Variants in SPAST observed in about 807,000 individuals in gnomAD.
The protein encoded by SPAST is spastic paraplegia 4 (autosomal dominant; spastin).
A neutral mutation model predicts 76.6 loss-of-function variants in SPAST; 30 were observed. That is an observed-to-expected ratio of 0.39 (90% CI 0.29 to 0.53). The LOEUF (loss-of-function observed/expected upper bound fraction) is 0.53. Ranked by LOEUF, SPAST falls within the 20% of genes least tolerant of loss-of-function variation. The pLI is 0.68. For synonymous variants in SPAST, 305 were observed against 281.0 expected (o/e 1.09, Z -0.86); for missense variants, 717 against 770.5 (o/e 0.93, Z 0.82).
chr2:32,134,075 G>A (rs958252508), intron 9 of SPAST, among the ~76,000 whole-genome samples: 1 of 151,828 alleles, frequency 6.6e-6, no homozygotes, highest in African/African-American at 2.4e-5. Flanking sequence ...CTGTTCTGTC[G>A]CCCAGGCTGG....
At chr2:32,084,676 G>A (rs909762955) in intron 1 of SPAST, among the ~76,000 whole-genome samples, 6 of 151,088 alleles carry the variant, frequency 4.0e-5, no homozygotes, top group African/African-American at 1.2e-4. Flanking sequence ...ACCTGAGGTC[G>A]GGAGTTTGAG....
chr2:32,129,243 C>G (rs1336494118), intron 9 of SPAST: 1 of 142,448 alleles, frequency 7.0e-6, no homozygotes, highest in Non-Finnish European at 1.5e-5. Context: ...AAGATTTTCC[C>G]TGTTTTAATT....
intron 16 of SPAST, among the ~76,000 whole-genome samples, chr2:32,153,670 C>G (rs1680161430): frequency 6.6e-6 from 1 of 152,096 alleles, no homozygotes; most frequent in Non-Finnish European, 1.5e-5. Context: ...TCCATTTTGC[C>G]TTTTAAAAAT....
intron 1 of SPAST, among the ~76,000 whole-genome samples, chr2:32,068,182 G>A (rs1010324302): frequency 1.3e-5 from 2 of 151,944 alleles, no homozygotes; most frequent in African/African-American, 4.8e-5. Flanking sequence ...GTTTCACTGT[G>A]TTAGCCAGGA....
intron 16 of SPAST, 77 bp from the exon 17 acceptor site, chr2:32,154,297 T>G: frequency 8.1e-7 from 1 of 1,228,706 alleles, no homozygotes; most frequent in South Asian, 1.2e-5. Context: ...GCAGCATCAT[T>G]ACTTTAATCC....
intron 9 of SPAST, among the ~76,000 whole-genome samples, chr2:32,131,828 A>G (rs990990430): frequency 6.6e-6 from 1 of 151,758 alleles, no homozygotes; most frequent in South Asian, 2.1e-4. Flanking sequence ...ACACTTGGCT[A>G]ATTTTTGTAT....
chr2:32,086,462 TAAA>T (rs11350854), intron 1 of SPAST, among the ~76,000 whole-genome samples: 1 of 144,396 alleles, frequency 6.9e-6, no homozygotes, highest in Non-Finnish European at 1.5e-5. Flanking sequence ...AGACTCTGTT[TAAA>T]AAAAAAAAAA....
At chr2:32,119,308 A>G (rs1558326584) in intron 7 of SPAST, among the ~76,000 whole-genome samples, 1 of 152,192 alleles carries the variant, frequency 6.6e-6, no homozygotes, top group South Asian at 2.1e-4. Context: ...ACACGCCTCT[A>G]TTGTGTAAAA....
At chr2:32,081,972 G>C (rs1342792767) in intron 1 of SPAST, among the ~76,000 whole-genome samples, 1 of 144,326 alleles carries the variant, frequency 6.9e-6, no homozygotes, top group Non-Finnish European at 1.5e-5. Context: ...CCTTCAAACA[G>C]ATGTTTTTAA....
chr2:32,147,410 C>G (rs931561239), intron 16 of SPAST, 152 bp downstream of exon 16: 8 of 581,564 alleles, frequency 1.4e-5, no homozygotes, highest in South Asian at 8.7e-5. Flanking sequence ...GCAACCTCCA[C>G]CTCCTGGATT....
At chr2:32,095,178 G>A (rs1182890255) in intron 3 of SPAST, among the ~76,000 whole-genome samples, 1 of 152,178 alleles carries the variant, frequency 6.6e-6, no homozygotes, top group Admixed American at 6.5e-5. Flanking sequence ...GTTGGATTAT[G>A]ATTATAGTTG....
intron 4 of SPAST, among the ~76,000 whole-genome samples, chr2:32,105,074 C>T (rs887423544): frequency 3.3e-5 from 5 of 152,194 alleles, no homozygotes; most frequent in Non-Finnish European, 7.3e-5. Flanking sequence ...TTCTCCCCGT[C>T]ACTTTCAGGT....
At chr2:32,133,259 A>G (rs980200982) in intron 9 of SPAST, among the ~76,000 whole-genome samples, 1 of 152,240 alleles carries the variant, frequency 6.6e-6, no homozygotes, top group Non-Finnish European at 1.5e-5. Flanking sequence ...ACTAACATGT[A>G]GAAAAGTATT....
chr2:32,075,882 A>T lies in SPAST; in HGVS notation c.416-11610A>T, dbSNP rs1180583165. Among the ~76,000 whole-genome samples the T allele has an allele frequency of 1.7e-4, 24 of 138,828 alleles. No homozygotes were observed. The East Asian group carries it at 4.1e-3, about 24-fold the overall frequency. 91.1% of individuals were successfully genotyped at this position (138,828 alleles called of 152,430 possible). A position where few individuals can be genotyped will look rare whatever the true frequency, so the allele number is the denominator to read the frequency against. The stretch of plus-strand genomic sequence containing the variant: ...GGCTTTTTTTTTTTTTTTTAATGAA[A>T]AATTCAAAATGCTCTTTTTTTTTTT... On this transcript the variant is annotated intron_variant, in intron 1 of 16. Coordinates refer to ENST00000315285, the MANE Select transcript of SPAST (RefSeq NM_014946.4).
chr2:32,090,467 A>G (rs1281248927), intron 3 of SPAST, among the ~76,000 whole-genome samples: 1 of 152,220 alleles, frequency 6.6e-6, no homozygotes, highest in African/African-American at 2.4e-5. Flanking sequence ...AAGGATGTCA[A>G]AATAAAATCA....
At chr2:32,093,411 G>C (rs1573079273) in intron 3 of SPAST, among the ~76,000 whole-genome samples, 2 of 152,042 alleles carry the variant, frequency 1.3e-5, no homozygotes, top group East Asian at 3.9e-4. Flanking sequence ...GAGCCTGGGA[G>C]GCAGAGGTTG....
intron 12 of SPAST, among the ~76,000 whole-genome samples, chr2:32,140,571 G>A (rs1679682531): frequency 5.9e-5 from 9 of 151,722 alleles, no homozygotes; most frequent in Admixed American, 5.3e-4. Flanking sequence ...GAGCCAAGAC[G>A]GCGGCACTGT....
intron 7 of SPAST, among the ~76,000 whole-genome samples, chr2:32,118,652 A>G (rs1292507244): frequency 6.6e-6 from 1 of 152,204 alleles, no homozygotes; most frequent in Non-Finnish European, 1.5e-5. Flanking sequence ...TGATAAAGAA[A>G]CTAGTCCTAA....
chr2:32,127,119 C>T, intron 8 of SPAST, 97 bp downstream of exon 8: 2 of 858,874 alleles, frequency 2.3e-6, no homozygotes, highest in Admixed American at 3.8e-5. Context: ...TTATTTACGA[C>T]TTGCTTTTTG....
Sources: allele counts gnomAD v4.1 joint callset (sites outside exome capture counted in the v4.1 genomes callset), GRCh38; gene constraint gnomAD v4.1.1; transcripts MANE v1.5; gene names NCBI Gene and HGNC (gene_info 2026-07-23, HGNC 2026-07-21).